The following CPLANE1 variants were observed in gnomAD, a reference collection of about 807,000 sequenced individuals.
CPLANE1 encodes the protein ciliogenesis and planar polarity effector complex subunit 1.
A neutral mutation model predicts 362.5 loss-of-function variants in CPLANE1; 263 were observed. That is an observed-to-expected ratio of 0.73 (90% CI 0.66 to 0.80). The LOEUF (loss-of-function observed/expected upper bound fraction) is 0.80, where lower values mean the gene tolerates loss of function less well. Ranked by LOEUF, CPLANE1 falls within the 30% of genes least tolerant of loss-of-function variation. The pLI, the probability that CPLANE1 is intolerant of heterozygous loss-of-function variation, is 0.00. For synonymous variants in CPLANE1, 1,212 were observed against 1,302.6 expected, an observed-to-expected ratio of 0.93 and a Z score of 1.50; for missense variants, 3,461 against 3,793.4, an observed-to-expected ratio of 0.91 and a Z score of 2.30.
intron 19 of CPLANE1, among the ~76,000 whole-genome samples, chr5:37,200,570 A>G (rs1332870285): frequency 6.6e-6 from 1 of 152,240 alleles, no homozygotes; most frequent in East Asian, 1.9e-4. Context: ...GAAGTCGCCA[A>G]TATTGAAACA....
At chr5:37,176,539 C>G (rs373653020) in intron 30 of CPLANE1, among the ~76,000 whole-genome samples, 2 of 151,474 alleles carry the variant, frequency 1.3e-5, no homozygotes, top group East Asian at 3.9e-4. Flanking sequence ...ACCCTGTTTC[C>G]AAAAAAAGAA....
chr5:37,212,017 A>G (rs1164749894), intron 16 of CPLANE1: 2 of 982,320 alleles, frequency 2.0e-6, no homozygotes, highest in Non-Finnish European at 3.3e-6. Flanking sequence ...AAAATATGGG[A>G]ACAGCAAGTG....
At chr5:37,079,127 G>GCGT in the CPLANE1 span, among the ~76,000 whole-genome samples, 6 of 152,140 alleles carry the variant, frequency 3.9e-5, no homozygotes, top group Non-Finnish European at 8.8e-5. Context: ...ATCTTTGCCT[G>GCGT]TGCCTATGTC....
At chr5:37,192,473 A>G (rs982422227) in intron 21 of CPLANE1, among the ~76,000 whole-genome samples, 7 of 152,216 alleles carry the variant, frequency 4.6e-5, no homozygotes, top group African/African-American at 1.7e-4. Flanking sequence ...CACATTTCTT[A>G]GGACGTAGCC....
At chr5:37,225,485 G>A (rs1376240302) in intron 12 of CPLANE1, among the ~76,000 whole-genome samples, 3 of 152,252 alleles carry the variant, frequency 2.0e-5, no homozygotes, top group Middle Eastern at 6.8e-3. Context: ...ACCCACCTCA[G>A]CCTCCCAAAG....
chr5:37,125,157 A>G, intron 47 of CPLANE1, 87 bp downstream of exon 47: 2 of 1,455,356 alleles, frequency 1.4e-6, no homozygotes, highest in Non-Finnish European at 1.8e-6. Flanking sequence ...ATGTATCCAA[A>G]TTATGTTAAT....
the CPLANE1 span, chr5:37,085,909 GAATT>G: frequency 6.9e-5 from 50 of 719,938 alleles, no homozygotes; most frequent in East Asian, 1.0e-4. Context: ...AATGTGGCAG[GAATT>G]AATAGGAAAA....
rs1783252326 is a variant in CPLANE1 at position 37,183,702 on chromosome 5, A to G, written c.4482-3T>C. 1.3e-6 allele frequency: 2 copies of G among 1,541,874 alleles called. No homozygotes were observed. The highest frequency in any genetic ancestry group is 2.3e-5 in the East Asian group (1 of 44,298). On this transcript the variant is annotated splice_region_variant and splice_polypyrimidine_tract_variant and intron_variant, in intron 25 of 52. Coordinates refer to ENST00000651892, the MANE Select transcript of CPLANE1 (RefSeq NM_001384732.1). ...ATTCCATGTGATTTGGGGCATTTCT[A>G]TAGCAAAAAAATAAAATAAGACAAA...
At chr5:37,208,182 T>G (rs142292570) in intron 16 of CPLANE1, among the ~76,000 whole-genome samples, 2 of 152,356 alleles carry the variant, frequency 1.3e-5, no homozygotes, top group Non-Finnish European at 1.5e-5. Flanking sequence ...ACTCCTGAAC[T>G]CAAGCAATCG....
chr5:37,093,277 G>A, the CPLANE1 span, among the ~76,000 whole-genome samples: 10 of 152,242 alleles, frequency 6.6e-5, no homozygotes, highest in Non-Finnish European at 7.4e-5. Context: ...ATTCTTGCAC[G>A]TCTGCAAGCC....
At chr5:37,081,907 G>A in the CPLANE1 span, among the ~76,000 whole-genome samples, 43 of 152,218 alleles carry the variant, frequency 2.8e-4, no homozygotes, top group African/African-American at 1.0e-3. Flanking sequence ...TTGGGAGGCT[G>A]AGGCAGGTGG....
intron 29 of CPLANE1, among the ~76,000 whole-genome samples, chr5:37,178,229 C>G (rs1410209584): frequency 6.6e-6 from 1 of 151,510 alleles, no homozygotes; most frequent in African/African-American, 2.4e-5. Flanking sequence ...GAGGTGGAAG[C>G]TGCAGTTAGC....
chr5:37,247,502 C>A lies in CPLANE1; in HGVS notation c.81+116G>T, dbSNP rs1443806474. 9.4e-6 allele frequency: 8 copies of A among 850,946 alleles called. No individual in the cohort carries two copies. In the South Asian group the frequency reaches 1.9e-4, roughly 20 times the overall value. The allele number at this position is 850,946 out of a possible 1,614,324, so 52.7% of individuals were successfully genotyped here. A position where few individuals can be genotyped will look rare whatever the true frequency, so the allele number is the denominator to read the frequency against. ...CAGGTAGGTGATCCTCCTGTAGATC[C>A]TCCTCCAGTAGATGATGTTTTATTT... On this transcript the variant is annotated intron_variant, in intron 2 of 52. Coordinates refer to ENST00000651892, the MANE Select transcript of CPLANE1 (RefSeq NM_001384732.1).
chr5:37,140,662 A>G (rs1769418368), intron 44 of CPLANE1: 2 of 985,296 alleles, frequency 2.0e-6, no homozygotes, highest in Non-Finnish European at 2.4e-6. Context: ...ACTGGGCTGC[A>G]TATGGGGAAG....
At position 37,183,421 on chromosome 5, in the gene CPLANE1, T is replaced by C. The variant is rs938918381; in HGVS notation, c.4760A>G (p.His1587Arg). Residue 1587 changes from histidine to arginine, a missense_variant, in exon 26 of 53, where the codon CAT (histidine) becomes CGT (arginine). Physicochemically the swap from His to Arg is conservative, Grantham distance 29. Around this residue, in one of 2 missense-constraint regions of CPLANE1, gnomAD observed 3,380 missense variants for 3,666.1 expected, o/e 0.92. Transcript: ENST00000651892. ...LTSFSGKLRE[H>R]ELNSLLFDVH... is the part of the protein sequence containing the mutation. ...ATCAAAAAGTAAAGAATTAAGTTCA[T>C]GTTCTCTAAGCTTTCCAGAAAAACT... is the stretch of plus-strand genomic sequence containing the variant. 5 of 1,613,746 alleles carry C rather than the reference T, an allele frequency of 3.1e-6. No homozygotes were observed. Among genetic ancestry groups the C allele is most frequent in the Middle Eastern group, 1.7e-4 (1 of 6,058 alleles).
At chr5:37,140,668 G>A (rs1022435234) in intron 44 of CPLANE1, 2 of 985,228 alleles carry the variant, frequency 2.0e-6, no homozygotes, top group African/African-American at 3.5e-5. Context: ...CTGCATATGG[G>A]GAAGTAGGTG....
chr5:37,213,830 CT>C, intron 15 of CPLANE1, 98 bp from the exon 16 acceptor site: 25 of 970,532 alleles, frequency 2.6e-5, no homozygotes, highest in South Asian at 8.4e-5. Context: ...ATTGCAATAC[CT>C]TTTTTTCTGA....
Position 37,107,104 on chromosome 5 carries a change from A to G in CPLANE1, c.*498T>C. ...TAGAGATTCAGGGTTGGTAAAAGGTAGTTGGTTTTTCTTTTCACTCCTAGG... is the reference window on the plus strand; with the variant it reads ...TAGAGATTCAGGGTTGGTAAAAGGTGGTTGGTTTTTCTTTTCACTCCTAGG... On this transcript the variant is annotated 3_prime_UTR_variant, in exon 53 of 53. Transcript: ENST00000651892. 2.0e-6 allele frequency: 2 copies of G among 985,430 alleles called. No individual in the cohort carries two copies. The highest frequency in any genetic ancestry group is 1.1e-4 in the East Asian group (1 of 8,810). 61.0% of individuals were successfully genotyped at this position (985,430 alleles called of 1,614,324 possible). A position where few individuals can be genotyped will look rare whatever the true frequency, so the allele number is the denominator to read the frequency against.
chr5:37,189,355 C>G (rs1270866376), intron 21 of CPLANE1, among the ~76,000 whole-genome samples: 1 of 152,142 alleles, frequency 6.6e-6, no homozygotes, highest in African/African-American at 2.4e-5. Flanking sequence ...TACATGGCCC[C>G]AGGGGGACTA....
Sources: gnomAD v4.1 joint callset for allele counts (sites outside exome capture counted in the v4.1 genomes callset) on GRCh38, gnomAD v4.1.1 for gene constraint, gnomAD v4.1.1 regional missense constraint, MANE v1.5 for transcripts, NCBI Gene and HGNC (gene_info 2026-07-23, HGNC 2026-07-21) for gene names.